The following PRR16 variants were observed in gnomAD, a reference collection of about 807,000 sequenced individuals.
PRR16 encodes the protein proline rich 16.
Under a neutral mutation model 18.2 loss-of-function variants are expected in PRR16, and 6 were observed. The observed-to-expected ratio is 0.33, with a 90% confidence interval of 0.18 to 0.65. The LOEUF (loss-of-function observed/expected upper bound fraction) is 0.65. PRR16 is among the 30% of genes least tolerant of loss of function. PRR16 has a pLI of 0.74. For missense variants in PRR16, 412 were observed against 376.6 expected (o/e 1.09, Z -0.78); for synonymous variants, 151 against 147.8 (o/e 1.02, Z -0.16).
At chr5:120,473,629 G>A (rs750967149) in intron 1 of PRR16, among the ~76,000 whole-genome samples, 12 of 152,094 alleles carry the variant, frequency 7.9e-5, no homozygotes, top group Non-Finnish European at 1.8e-4. Flanking sequence ...ATTTGTCTGA[G>A]CCCCTTTATT....
At chr5:120,787,184 G>GTC in the PRR16 span, among the ~76,000 whole-genome samples, 4 of 152,066 alleles carry the variant, frequency 2.6e-5, no homozygotes, top group African/African-American at 9.7e-5. Flanking sequence ...GGTATATTAT[G>GTC]TCTCTATATT....
chr5:120,579,084 T>G (rs1412333092), intron 1 of PRR16, among the ~76,000 whole-genome samples: 1 of 152,168 alleles, frequency 6.6e-6, no homozygotes, highest in African/African-American at 2.4e-5. Context: ...CTTTGCCCAC[T>G]TTTTGATGGG....
At chr5:120,554,235 C>CG (rs1179203452) in intron 1 of PRR16, among the ~76,000 whole-genome samples, 2 of 151,806 alleles carry the variant, frequency 1.3e-5, no homozygotes, top group Non-Finnish European at 2.9e-5. Context: ...CTTTCTTTTA[C>CG]GGGGGTGTCC....
chr5:120,767,699 A>G, the PRR16 span, among the ~76,000 whole-genome samples: 1 of 151,878 alleles, frequency 6.6e-6, no homozygotes, highest in Non-Finnish European at 1.5e-5. Flanking sequence ...ATGATGTCAC[A>G]GGAAGAAATT....
At chr5:120,593,277 A>C (rs1469974413) in intron 1 of PRR16, among the ~76,000 whole-genome samples, 1 of 151,996 alleles carries the variant, frequency 6.6e-6, no homozygotes, top group African/African-American at 2.4e-5. Flanking sequence ...GAAGGAAAGA[A>C]AGAAAATCCA....
At chr5:120,705,457 T>C in the PRR16 span, among the ~76,000 whole-genome samples, 1 of 152,122 alleles carries the variant, frequency 6.6e-6, no homozygotes, top group South Asian at 2.1e-4. Flanking sequence ...AAACTTTTAT[T>C]CTAAGGAAAT....
rs115916848 is a variant in PRR16 at position 120,623,390 on chromosome 5, G to A, written c.160-62564G>A. 3.9e-3 allele frequency among the ~76,000 whole-genome samples: 588 copies of A among 152,246 alleles called. 4 individuals are homozygous for A. The highest frequency in any genetic ancestry group is 0.014 in the African/African-American group (567 of 41,544). The stretch of plus-strand genomic sequence containing the variant: ...AAACTGATTGCCTAGCACAAAGTGG[G>A]AGGTACTTCAGTGTAATTATTAGAA... On this transcript the variant is annotated intron_variant, in intron 1 of 1. Coordinates refer to ENST00000407149, the MANE Select transcript of PRR16 (RefSeq NM_001300783.2).
chr5:120,489,538 A>G (rs1749946025), intron 1 of PRR16, among the ~76,000 whole-genome samples: 1 of 151,974 alleles, frequency 6.6e-6, no homozygotes, highest in South Asian at 2.1e-4. Flanking sequence ...TTTTGAGCCT[A>G]TGTGTGTCTC....
In PRR16 at chr5:120,539,449, T is replaced by G. The variant is rs550877883; in HGVS notation, c.159+74804T>G. Among the ~76,000 whole-genome samples, 10 of 152,210 alleles carry G rather than the reference T, an allele frequency of 6.6e-5. No individual in the cohort carries two copies. In the East Asian group the frequency reaches 1.9e-3, roughly 29 times the overall value. ...TTCTGAAATTTATTTAAATTACTAC[T>G]AAATAATTATTGAATAGCCATCTAA... On this transcript the variant is annotated intron_variant, in intron 1 of 1. Coordinates refer to ENST00000407149, the MANE Select transcript of PRR16 (RefSeq NM_001300783.2).
chr5:120,578,756 T>C (rs1170640537), intron 1 of PRR16, among the ~76,000 whole-genome samples: 2 of 152,166 alleles, frequency 1.3e-5, no homozygotes, highest in East Asian at 1.9e-4. Context: ...CCTTTGGGTA[T>C]ATAGACAATA....
chr5:120,771,904 A>C, the PRR16 span, among the ~76,000 whole-genome samples: 1 of 152,064 alleles, frequency 6.6e-6, no homozygotes, highest in Non-Finnish European at 1.5e-5. Context: ...TATGTTATAA[A>C]AATATGCATT....
At chr5:120,539,801 T>C (rs1328881123) in intron 1 of PRR16, among the ~76,000 whole-genome samples, 1 of 152,230 alleles carries the variant, frequency 6.6e-6, no homozygotes, top group Non-Finnish European at 1.5e-5. Context: ...ATAATGTAAT[T>C]GGATGTTGTG....
the PRR16 span, among the ~76,000 whole-genome samples, chr5:120,740,162 G>T: frequency 6.6e-6 from 1 of 152,116 alleles, no homozygotes; most frequent in Non-Finnish European, 1.5e-5. Context: ...CTTTTCTTCT[G>T]TTGAGATGCT....
In PRR16 at chr5:120,530,708, T is replaced by G. The variant is rs73784582; in HGVS notation, c.159+66063T>G. Among the ~76,000 whole-genome samples the G allele has an allele frequency of 3.7e-3, 557 of 152,188 alleles. 4 individuals carry two copies. The highest frequency in any genetic ancestry group is 0.013 in the African/African-American group (537 of 41,534). On this transcript the variant is annotated intron_variant, in intron 1 of 1. Transcript: ENST00000407149. The stretch of plus-strand genomic sequence containing the variant: ...TGGATGAGGTAAGGTATAGGAGATA[T>G]TGGGGAGATGGGTAAGAGAAAGGGA...
At chr5:120,631,328 A>G (rs368527678) in intron 1 of PRR16, among the ~76,000 whole-genome samples, 1 of 152,280 alleles carries the variant, frequency 6.6e-6, no homozygotes, top group South Asian at 2.1e-4. Context: ...AGGAAAGCCA[A>G]GAGAATCAAC....
chr5:120,744,305 A>G, the PRR16 span, among the ~76,000 whole-genome samples: 1 of 152,176 alleles, frequency 6.6e-6, no homozygotes, highest in African/African-American at 2.4e-5. Context: ...TCTTCTCACC[A>G]GACATTCCTA....
chr5:120,495,722 T>C (rs1750222355), intron 1 of PRR16, among the ~76,000 whole-genome samples: 1 of 152,032 alleles, frequency 6.6e-6, no homozygotes, highest in South Asian at 2.1e-4. Context: ...TTTTCTATTA[T>C]TTAGGATATT....
chr5:120,497,854 T>A (rs1211142417), intron 1 of PRR16, among the ~76,000 whole-genome samples: 1 of 151,532 alleles, frequency 6.6e-6, no homozygotes, highest in African/African-American at 2.4e-5. Context: ...GCTCTAATAT[T>A]AATATAGTCA....
intron 1 of PRR16, among the ~76,000 whole-genome samples, chr5:120,523,985 A>G (rs1454002505): frequency 6.6e-6 from 1 of 152,144 alleles, no homozygotes; most frequent in Non-Finnish European, 1.5e-5. Flanking sequence ...TTGGATATGA[A>G]CTTTGAACTT....
Sources: gnomAD v4.1 joint callset for allele counts (sites outside exome capture counted in the v4.1 genomes callset) on GRCh38, gnomAD v4.1.1 for gene constraint, MANE v1.5 for transcripts, NCBI Gene and HGNC (gene_info 2026-07-23, HGNC 2026-07-21) for gene names.